Variants in NUSAP1 observed in about 807,000 individuals in gnomAD.
The protein encoded by NUSAP1 is nucleolar and spindle-associated protein 1.
Under a neutral mutation model 52.8 loss-of-function variants are expected in NUSAP1, and 32 were observed. The ratio of observed to expected loss-of-function variants is 0.61; its 90% confidence interval spans 0.46 to 0.81. NUSAP1 has a LOEUF of 0.81. Ranked by LOEUF, NUSAP1 falls within the 40% of genes least tolerant of loss-of-function variation. The probability of loss-of-function intolerance (pLI) is 0.00; values close to 1 mark genes in which losing one functional copy is unlikely to be tolerated. For missense variants in NUSAP1, 499 were observed against 522.3 expected (o/e 0.96, Z 0.43); for synonymous variants, 195 against 183.1 (o/e 1.06, Z -0.52).
rs1205033584 is a variant in NUSAP1, at chr15:41,371,588, A to G, written c.910A>G (p.Lys304Glu). The change falls in exon 8 of 11, where the codon AAG becomes GAG. Residue 304 changes from lysine to glutamate, a missense_variant. Physicochemically the swap from Lys to Glu is moderately conservative, Grantham distance 56. Coordinates refer to ENST00000559596, the MANE Select transcript of NUSAP1 (RefSeq NM_016359.5). ...KRSLTKTPARKSAHVTVSGGT... is the reference protein window; with the variant it reads ...KRSLTKTPARESAHVTVSGGT... ...TTCACTGACCAAGACTCCAGCCAGA[A>G]AGTCTGCACATGTGACCGTGTCTGG... 6.2e-7 allele frequency: 1 copy of G among 1,611,898 alleles called. No homozygotes were observed.
At chr15:41,375,644 C>A (rs1436952187) in intron 8 of NUSAP1, 68 bp from the exon 9 acceptor site, 2 of 1,032,044 alleles carry the variant, frequency 1.9e-6, no homozygotes, top group Non-Finnish European at 1.5e-6. Context: ...AGAAGTAACA[C>A]TTTGATAAAC....
At chr15:41,356,354 C>CTTTTTTTTTTT (rs398026995) in intron 5 of NUSAP1, among the ~76,000 whole-genome samples, 1 of 124,644 alleles carries the variant, frequency 8.0e-6, no homozygotes, top group Admixed American at 9.0e-5. Flanking sequence ...CTATTTCTTT[C>CTTTTTTTTTTT]TTTTTTTTTT....
intron 2 of NUSAP1, among the ~76,000 whole-genome samples, chr15:41,347,952 A>G (rs1243219442): frequency 5.3e-5 from 8 of 151,974 alleles, no homozygotes; most frequent in Non-Finnish European, 1.0e-4. Context: ...GTGAGACCCC[A>G]TTTCTACAAA....
intron 1 of NUSAP1, among the ~76,000 whole-genome samples, chr15:41,334,786 G>C (rs2048058034): frequency 1.3e-5 from 2 of 151,822 alleles, no homozygotes; most frequent in African/African-American, 4.8e-5. Context: ...GGGCTCAAGC[G>C]ATCCTCCCGC....
At chr15:41,341,855 A>G (rs900372260) in intron 1 of NUSAP1, among the ~76,000 whole-genome samples, 2 of 152,152 alleles carry the variant, frequency 1.3e-5, no homozygotes, top group African/African-American at 4.8e-5. Flanking sequence ...AAAGGCTTAC[A>G]AGGCCTGGTA....
chr15:41,337,640 T>C (rs954909474), intron 1 of NUSAP1, among the ~76,000 whole-genome samples: 1 of 152,214 alleles, frequency 6.6e-6, no homozygotes, highest in Non-Finnish European at 1.5e-5. Flanking sequence ...TTTATTAAGG[T>C]CGCCATCTTA....
At chr15:41,341,332 GGAATTACAGGCAT>G (rs1215101513) in intron 1 of NUSAP1, among the ~76,000 whole-genome samples, 10 of 152,054 alleles carry the variant, frequency 6.6e-5, no homozygotes, top group Non-Finnish European at 1.5e-4. Context: ...CCAAAGTGCT[GGAATTACAGGCAT>G]GAGCCACCCC....
At chr15:41,337,759 C>T (rs1302552046) in intron 1 of NUSAP1, among the ~76,000 whole-genome samples, 2 of 152,054 alleles carry the variant, frequency 1.3e-5, no homozygotes, top group African/African-American at 4.8e-5. Context: ...TTTGATATTT[C>T]ACGCTGTCCT....
chr15:41,351,215 T>C, intron 4 of NUSAP1, 86 bp downstream of exon 4: 4 of 1,384,760 alleles, frequency 2.9e-6, no homozygotes, highest in Non-Finnish European at 3.9e-6. Flanking sequence ...CCTAGGACTG[T>C]TGTGACAAAG....
At chr15:41,335,431 A>G (rs1260074312) in intron 1 of NUSAP1, among the ~76,000 whole-genome samples, 1 of 140,582 alleles carries the variant, frequency 7.1e-6, no homozygotes, top group Non-Finnish European at 1.5e-5. Context: ...CTAGATAAAT[A>G]TACTATAAAT....
chr15:41,343,168 G>A (rs1321416985), intron 2 of NUSAP1: 2 of 152,214 alleles, frequency 1.3e-5, no homozygotes, highest in Non-Finnish European at 2.9e-5. Context: ...TATCTGTTCT[G>A]CTGAACTGAG....
Position 41,351,013 on chromosome 15 carries a change from G to C in NUSAP1, c.332G>C (p.Ser111Thr), listed in dbSNP as rs184240094. 2 of 1,610,860 alleles carry C rather than the reference G, an allele frequency of 1.2e-6. No individual in the cohort carries two copies. The highest frequency in any genetic ancestry group is 1.7e-5 in the Admixed American group (1 of 59,416). ...CAGAATCATTCAGAGATAAAAATAA[G>C]TAATCCCACTGAATTCCAGAATCAT... Reference protein sequence around the residue: ...SQQNHSEIKISNPTEFQNHEK... With the variant: ...SQQNHSEIKITNPTEFQNHEK... The change falls in exon 4 of 11, where the codon AGT becomes ACT. Residue 111 changes from serine to threonine, a missense_variant. Physicochemically the swap from Ser to Thr is moderately conservative, Grantham distance 58. Coordinates refer to ENST00000559596, the MANE Select transcript of NUSAP1 (RefSeq NM_016359.5).
chr15:41,357,390 A>G (rs1380717059), intron 5 of NUSAP1, among the ~76,000 whole-genome samples: 1 of 152,080 alleles, frequency 6.6e-6, no homozygotes, highest in Non-Finnish European at 1.5e-5. Context: ...TAAATAACAT[A>G]AAAACAAGAA....
In NUSAP1 at chr15:41,365,486, C is replaced by T. The variant is rs202144126; in HGVS notation, c.745C>T (p.Arg249Ter). 57 of 1,612,472 alleles carry T rather than the reference C, an allele frequency of 3.5e-5. No homozygotes were observed. In the South Asian group the frequency reaches 3.7e-4, roughly 11 times the overall value. ...TGTGGCTTCTACTCCCATCAGCCAA[C>T]GACGCTCGCAAGGCCGGTCTTGTGG... ...LSVASTPISQ[R>*]RSQGRSCGPA... is the part of the protein sequence containing the mutation. The change falls in exon 7 of 11, where the codon CGA (arginine) becomes TGA (stop). Residue 249 changes from arginine (R) to a stop codon, truncating the protein, a stop_gained. Coordinates refer to ENST00000559596, the MANE Select transcript of NUSAP1 (RefSeq NM_016359.5). LOFTEE classifies it high-confidence loss of function.
rs1178629986 is a variant in NUSAP1, at chr15:41,380,405, A to AT, written c.*221dup. Reference sequence around the variant, plus strand: ...TTTGGGATGGTTTTTACTTAAGTCCATTAACAATTCAGGTTTCTAACGAGA... The same window carrying AT: ...TTTGGGATGGTTTTTACTTAAGTCCATTTAACAATTCAGGTTTCTAACGAGA... On this transcript the variant is annotated 3_prime_UTR_variant, in exon 11 of 11. Coordinates refer to ENST00000559596, the MANE Select transcript of NUSAP1 (RefSeq NM_016359.5). 39 of 361,574 alleles carry AT rather than the reference A, an allele frequency of 1.1e-4. No individual in the cohort carries two copies. Among genetic ancestry groups the AT allele is most frequent in the Non-Finnish European group, 1.9e-4 (38 of 198,084 alleles). The allele number at this position is 361,574 out of a possible 1,614,324, so 22.4% of individuals were successfully genotyped here.
chr15:41,345,466 T>A (rs2048529788), intron 2 of NUSAP1: 1 of 423,296 alleles, frequency 2.4e-6, no homozygotes, highest in Non-Finnish European at 4.6e-6. Flanking sequence ...ATTTTTTTCT[T>A]TCTTTTTTTT....
intron 6 of NUSAP1, 116 bp downstream of exon 6, chr15:41,358,374 AT>A: frequency 1.7e-6 from 1 of 600,110 alleles, no homozygotes; most frequent in Non-Finnish European, 3.0e-6. Context: ...ATTTGTTTGA[AT>A]TTAATATATC....
At chr15:41,343,836 A>G (rs2140556862) in intron 2 of NUSAP1, among the ~76,000 whole-genome samples, 1 of 152,284 alleles carries the variant, frequency 6.6e-6, no homozygotes, top group South Asian at 2.1e-4. Flanking sequence ...GAAAATAGAC[A>G]AGAACTATTT....
chr15:41,374,635 C>A (rs1163881434), intron 8 of NUSAP1, among the ~76,000 whole-genome samples: 1 of 151,948 alleles, frequency 6.6e-6, no homozygotes, highest in Non-Finnish European at 1.5e-5. Flanking sequence ...TCAAGGGATT[C>A]TCCTGCCTCA....
Sources: allele counts gnomAD v4.1 joint callset (sites outside exome capture counted in the v4.1 genomes callset), GRCh38; gene constraint gnomAD v4.1.1; transcripts MANE v1.5; gene names NCBI Gene and HGNC (gene_info 2026-07-23, HGNC 2026-07-21).